The following PREX1 variants were observed in gnomAD, a reference collection of about 807,000 sequenced individuals.
PREX1 encodes phosphatidylinositol 3,4,5-trisphosphate-dependent Rac exchanger 1 protein.
PREX1 carries 41 observed loss-of-function variants against 198.3 expected under a neutral mutation model. The observed-to-expected ratio is 0.21, with a 90% CI of 0.16 to 0.27. The LOEUF is 0.27. Among genes scored for constraint, PREX1 ranks in the 10% least tolerant of loss-of-function variants. The pLI, the probability that PREX1 is intolerant of heterozygous loss-of-function variation, is 1.00. For missense variants in PREX1, 1,620 were observed against 2,200.7 expected (o/e 0.74, Z 5.28); for synonymous variants, 843 against 887.2 (o/e 0.95, Z 0.89).
Position 48,715,751 on chromosome 20 carries a change from T to C in PREX1, c.622-7330A>G, listed in dbSNP as rs183713635. On this transcript the variant is annotated intron_variant, in intron 5 of 39. Transcript: ENST00000371941. ...TGCATAGTAGGAATAATAGTGAAAATAGAAGTCGTGGTAATAGTCCTAATA... is the reference window on the plus strand; with the variant it reads ...TGCATAGTAGGAATAATAGTGAAAACAGAAGTCGTGGTAATAGTCCTAATA... Among the ~76,000 whole-genome samples, 127 of 152,308 alleles carry C rather than the reference T, an allele frequency of 8.3e-4. 1 individual carries two copies. Among genetic ancestry groups the C allele is most frequent in the African/African-American group, 2.8e-3 (115 of 41,556 alleles).
chr20:48,846,938 A>G, the PREX1 span, among the ~76,000 whole-genome samples: 1 of 152,286 alleles, frequency 6.6e-6, no homozygotes, highest in Middle Eastern at 3.4e-3. Context: ...TGACCTTTCA[A>G]GGGGAGGCAG....
the PREX1 span, among the ~76,000 whole-genome samples, chr20:48,833,104 A>G: frequency 6.6e-6 from 1 of 152,200 alleles, no homozygotes; most frequent in East Asian, 1.9e-4. Context: ...TGGGGTCAGT[A>G]AGAGCTTCTA....
chr20:48,705,799 A>G (rs1214909709), intron 6 of PREX1, among the ~76,000 whole-genome samples: 1 of 152,236 alleles, frequency 6.6e-6, no homozygotes, highest in East Asian at 1.9e-4. Flanking sequence ...ACCTCACTTT[A>G]TCTTCCAAAT....
At chr20:48,846,931 C>T in the PREX1 span, among the ~76,000 whole-genome samples, 1 of 152,172 alleles carries the variant, frequency 6.6e-6, no homozygotes, top group Non-Finnish European at 1.5e-5. Context: ...GGCTGCTTGA[C>T]CTTTCAAGGG....
intron 5 of PREX1, among the ~76,000 whole-genome samples, chr20:48,718,908 A>G (rs1005124994): frequency 2.4e-4 from 36 of 152,248 alleles, no homozygotes; most frequent in Admixed American, 2.0e-3. Context: ...CAAAGAGGCA[A>G]TGCTAATAAG....
At chr20:48,630,637 G>A in intron 36 of PREX1, 91 bp downstream of exon 36, 1 of 1,182,914 alleles carries the variant, frequency 8.5e-7, no homozygotes, top group Non-Finnish European at 1.2e-6. Context: ...GAATCTGCTG[G>A]GGCACAACCC....
intron 1 of PREX1, among the ~76,000 whole-genome samples, chr20:48,806,219 G>C (rs1327279402): frequency 6.6e-6 from 1 of 152,188 alleles, no homozygotes; most frequent in Non-Finnish European, 1.5e-5. Context: ...GAGAACCACT[G>C]TTCTAAGCCC....
At position 48,632,509 on chromosome 20, in the gene PREX1, C is replaced by T. The variant is rs1486306103; in HGVS notation, c.4398G>A (p.Ala1466=). 3.1e-6 allele frequency: 5 copies of T among 1,614,106 alleles called. No homozygotes were observed. Among genetic ancestry groups the T allele is most frequent in the Non-Finnish European group, 3.4e-6 (4 of 1,180,028 alleles). ...EGGASLRLHT[A]LFTKVLENVE... is the part of the protein sequence containing the mutation. Reference sequence around the variant, plus strand: ...CCTGAAGCTCACCTTTCGTGAACAGCGCTGTGTGCAGCCTCAGGCTGGCCC... The same window carrying T: ...CCTGAAGCTCACCTTTCGTGAACAGTGCTGTGTGCAGCCTCAGGCTGGCCC... Residue 1466 remains alanine (A), a synonymous_variant, in exon 34 of 40, where the codon GCG becomes GCA. Transcript: ENST00000371941.
intron 5 of PREX1, among the ~76,000 whole-genome samples, chr20:48,713,814 T>C (rs1475928433): frequency 7.2e-5 from 10 of 138,586 alleles, no homozygotes; most frequent in Non-Finnish European, 1.2e-4. Flanking sequence ...CATGTAGACA[T>C]ATGTAACAAA....
chr20:48,806,668 C>T (rs1019874537), intron 1 of PREX1, among the ~76,000 whole-genome samples: 4 of 152,102 alleles, frequency 2.6e-5, no homozygotes, highest in Non-Finnish European at 5.9e-5. Flanking sequence ...GAGGAGGAGC[C>T]GGGACTGAAA....
At chr20:48,735,092 G>T (rs915083068) in intron 3 of PREX1, among the ~76,000 whole-genome samples, 3 of 152,156 alleles carry the variant, frequency 2.0e-5, no homozygotes, top group African/African-American at 7.2e-5. Context: ...GCCCAAAGAT[G>T]TACTCCTTCC....
At chr20:48,879,256 G>A in the PREX1 span, among the ~76,000 whole-genome samples, 2 of 152,142 alleles carry the variant, frequency 1.3e-5, no homozygotes, top group African/African-American at 4.8e-5. Context: ...TTATTATTTT[G>A]CAGTTTCATC....
the PREX1 span, among the ~76,000 whole-genome samples, chr20:48,860,639 G>C: frequency 6.6e-6 from 1 of 152,206 alleles, no homozygotes; most frequent in East Asian, 1.9e-4. Flanking sequence ...AGGAGATCGA[G>C]ACCATCCTGG....
intron 29 of PREX1, among the ~76,000 whole-genome samples, chr20:48,641,671 A>G (rs1193323291): frequency 6.6e-6 from 1 of 151,784 alleles, no homozygotes; most frequent in African/African-American, 2.4e-5. Context: ...GTGCACCTGT[A>G]GTCCCAGCTA....
the PREX1 span, among the ~76,000 whole-genome samples, chr20:48,852,825 T>A: frequency 3.3e-5 from 5 of 152,260 alleles, no homozygotes; most frequent in African/African-American, 1.2e-4. Flanking sequence ...AGGAGCATTA[T>A]ACAGCCTTGA....
chr20:48,782,773 G>C (rs2090295593), intron 1 of PREX1, among the ~76,000 whole-genome samples: 1 of 152,074 alleles, frequency 6.6e-6, no homozygotes, highest in African/African-American at 2.4e-5. Context: ...GTGTTTAGAG[G>C]GTCCATGGAG....
chr20:48,649,221 T>C (rs928599673), intron 25 of PREX1, 79 bp downstream of exon 25: 13 of 1,546,038 alleles, frequency 8.4e-6, no homozygotes, highest in East Asian at 4.5e-5. Context: ...CAAAGAATGA[T>C]GCTACCCACA....
At chr20:48,862,794 T>TAG in the PREX1 span, among the ~76,000 whole-genome samples, 1 of 88,670 alleles carries the variant, frequency 1.1e-5, no homozygotes, top group Admixed American at 1.1e-4. Context: ...AAAAAAAATA[T>TAG]ATATATATAT....
At chr20:48,642,284 GT>G in intron 28 of PREX1, 26 bp from the exon 29 acceptor site, 1 of 1,612,304 alleles carries the variant, frequency 6.2e-7, no homozygotes, top group Non-Finnish European at 8.5e-7. Context: ...CCTGGGGTTG[GT>G]TTGGGCCCCG....
Sources: allele counts gnomAD v4.1 joint callset (sites outside exome capture counted in the v4.1 genomes callset), GRCh38; gene constraint gnomAD v4.1.1; transcripts MANE v1.5; gene names NCBI Gene and HGNC (gene_info 2026-07-23, HGNC 2026-07-21).